The following FGFR1 variants were observed in gnomAD, a reference collection of about 807,000 sequenced individuals.
The protein encoded by FGFR1 is FGFR1/PLAG1 fusion.
Under a neutral mutation model 93.7 loss-of-function variants are expected in FGFR1, and 18 were observed. The ratio of observed to expected loss-of-function variants is 0.19; its 90% CI spans 0.13 to 0.28. FGFR1 has a LOEUF of 0.28. Ranked by LOEUF, FGFR1 falls within the 10% of genes least tolerant of loss-of-function variation. The pLI is 1.00. For missense variants in FGFR1, 731 were observed against 1,080.4 expected (o/e 0.68, Z 4.53); for synonymous variants, 448 against 429.3 (o/e 1.04, Z -0.54).
Position 38,434,381 on chromosome 8 carries a change from A to C in FGFR1, c.92-4433T>G, listed in dbSNP as rs566585757. On this transcript the variant is annotated intron_variant, in intron 2 of 17. Transcript: ENST00000447712. ...GCTAATCAGTTTATTAAAATAGTTG[A>C]CTTTGAGCATCTGCAATGGTGACTT... 1.5e-5 allele frequency: 4 copies of C among 275,550 alleles called. No homozygotes were observed. In the South Asian group the frequency reaches 2.3e-4, roughly 16 times the overall value. 17.1% of individuals were successfully genotyped at this position (275,550 alleles called of 1,614,324 possible). A position where few individuals can be genotyped will look rare whatever the true frequency, so the allele number is the denominator to read the frequency against.
chr8:38,421,792 T>C lies in FGFR1; in HGVS notation c.1081+5A>G. The stretch of plus-strand genomic sequence containing the variant: ...GACATCGAGAGGAGAAGTTACAGTG[T>C]GTACCTTCCAGAACGGTCAACCATG... On this transcript the variant is annotated splice_donor_5th_base_variant and intron_variant, in intron 8 of 17. Coordinates refer to ENST00000447712, the MANE Select transcript of FGFR1 (RefSeq NM_023110.3). 1 of 1,614,056 alleles carries C rather than the reference T, an allele frequency of 6.2e-7. No individual in the cohort carries two copies. The highest frequency in any genetic ancestry group is 8.5e-7 in the Non-Finnish European group (1 of 1,179,972).
In FGFR1 at chr8:38,413,713, ACG is replaced by A; in HGVS notation, c.2382_2383del (p.Val795LeufsTer4). ...CTCGGGCAGCGGCTCATGAGAGAAG[ACG>A]GAATCCTCCCCTGAGGAGCACGTAG... On this transcript the variant is annotated frameshift_variant, in exon 18 of 18. Transcript: ENST00000447712. LOFTEE classifies it high-confidence loss of function. This position sits in a 1 kb window ranked among gnomAD's most constrained non-coding sequence, Gnocchi z 4.2. The A allele has an allele frequency of 6.2e-7, 1 of 1,613,842 alleles. No individual in the cohort carries two copies. The highest frequency in any genetic ancestry group is 1.1e-5 in the South Asian group (1 of 91,070).
intron 1 of FGFR1, among the ~76,000 whole-genome samples, chr8:38,459,598 T>A (rs913044716): frequency 1.3e-5 from 2 of 152,164 alleles, no homozygotes; most frequent in African/African-American, 4.8e-5. Context: ...AGGAATTAAT[T>A]CATTCCTCAC....
rs369756658 is a variant in FGFR1 at position 38,424,251 on chromosome 8, C to T, written c.936+258G>A. 6 of 639,118 alleles carry T rather than the reference C, an allele frequency of 9.4e-6. No homozygotes were observed. The highest frequency in any genetic ancestry group is 1.5e-5 in the Non-Finnish European group (5 of 338,064). The allele number at this position is 639,118 out of a possible 1,614,324, so 39.6% of individuals were successfully genotyped here. A position where few individuals can be genotyped will look rare whatever the true frequency, so the allele number is the denominator to read the frequency against. On this transcript the variant is annotated intron_variant, in intron 7 of 17. Coordinates refer to ENST00000447712, the MANE Select transcript of FGFR1 (RefSeq NM_023110.3). This position sits in a 1 kb window ranked among gnomAD's most constrained non-coding sequence, Gnocchi z 4.3. Reference sequence around the variant, plus strand: ...GTAGCTGACCCCAAAGCCCCAGTGACGTTGCTCTCAAAGCTTATTACAGAC... The same window carrying T: ...GTAGCTGACCCCAAAGCCCCAGTGATGTTGCTCTCAAAGCTTATTACAGAC...
rs113798412 is a variant in FGFR1, at chr8:38,425,136, C to T, written c.746-437G>A. On this transcript the variant is annotated intron_variant, in intron 6 of 17. Transcript: ENST00000447712. ...ACCCCAACCTCTTGGATCAGAATCT[C>T]CTTTTTACCTTTTTTTTTTTTAAAG... is the stretch of plus-strand genomic sequence containing the variant. Among the ~76,000 whole-genome samples, 841 of 146,928 alleles carry T rather than the reference C, an allele frequency of 5.7e-3. 8 individuals are homozygous for T. Among genetic ancestry groups the T allele is most frequent in the African/African-American group, 0.018 (754 of 40,976 alleles).
At chr8:38,450,339 C>T (rs1047173549) in intron 2 of FGFR1, among the ~76,000 whole-genome samples, 36 of 152,308 alleles carry the variant, frequency 2.4e-4, no homozygotes, top group African/African-American at 8.4e-4. Context: ...ATTTCCAAGC[C>T]TCAGGGAAGG....
chr8:38,455,570 C>T (rs924827249), intron 2 of FGFR1, among the ~76,000 whole-genome samples: 3 of 152,206 alleles, frequency 2.0e-5, no homozygotes, highest in African/African-American at 4.8e-5. Flanking sequence ...GGATTACAGG[C>T]GTGAGCCACC....
chr8:38,414,396 T>A, intron 15 of FGFR1, 107 bp from the exon 16 acceptor site: 1 of 1,577,930 alleles, frequency 6.3e-7, no homozygotes, highest in Non-Finnish European at 8.7e-7. Flanking sequence ...GGAGAACAGA[T>A]CAGCCTTTCA....
chr8:38,433,749 G>C (rs1442182650), intron 2 of FGFR1, among the ~76,000 whole-genome samples: 1 of 152,134 alleles, frequency 6.6e-6, no homozygotes, highest in Admixed American at 6.5e-5. Flanking sequence ...ATTCCATTTT[G>C]TATTGTTTCT....
Position 38,418,218 on chromosome 8 carries a change from G to A in FGFR1, c.1430+10C>T, listed in dbSNP as rs1563455588. The A allele has an allele frequency of 1.2e-6, 2 of 1,614,198 alleles. No homozygotes were observed. The highest frequency in any genetic ancestry group is 1.1e-5 in the South Asian group (1 of 91,090). ...TGCCTTCAAAAAGTTGGGAGTCAAAGTATTATTACCTGTCCCGAGGCAGCT... is the reference window on the plus strand; with the variant it reads ...TGCCTTCAAAAAGTTGGGAGTCAAAATATTATTACCTGTCCCGAGGCAGCT... On this transcript the variant is annotated intron_variant, in intron 10 of 17. Transcript: ENST00000447712.
At chr8:38,418,147 G>C in intron 10 of FGFR1, 81 bp downstream of exon 10, 1 of 1,609,170 alleles carries the variant, frequency 6.2e-7, no homozygotes, top group Admixed American at 1.7e-5. Context: ...CCGCCCAGAA[G>C]GTGTTAGTAT....
chr8:38,427,748 G>A (rs1821303393), intron 5 of FGFR1, among the ~76,000 whole-genome samples, 173 bp downstream of exon 5: 1 of 152,136 alleles, frequency 6.6e-6, no homozygotes, highest in South Asian at 2.1e-4. Context: ...ACAGAAAGAA[G>A]ACTGAAGAAA....
At chr8:38,457,098 C>G (rs1323105104) in intron 2 of FGFR1, among the ~76,000 whole-genome samples, 1 of 152,200 alleles carries the variant, frequency 6.6e-6, no homozygotes, top group African/African-American at 2.4e-5. Flanking sequence ...AATTACCCCC[C>G]ACAAACATGT....
rs764744450 is a variant in FGFR1 at position 38,429,126 on chromosome 8, T to A, written c.358+556A>T. ...GGTGCATAAATGGCATAAAGAAAATTTCAGCTCCACTTCCTCAACTCCTAG... is the reference window on the plus strand; with the variant it reads ...GGTGCATAAATGGCATAAAGAAAATATCAGCTCCACTTCCTCAACTCCTAG... On this transcript the variant is annotated intron_variant, in intron 3 of 17. Transcript: ENST00000447712. The surrounding 1 kb of genome is among the most constrained non-coding windows in gnomAD (Gnocchi z 4.4). 1.7e-5 allele frequency: 6 copies of A among 361,782 alleles called. No homozygotes were observed. Among genetic ancestry groups the A allele is most frequent in the Admixed American group, 1.5e-4 (4 of 27,488 alleles). The allele number at this position is 361,782 out of a possible 1,614,324, so 22.4% of individuals were successfully genotyped here.
chr8:38,448,642 AAAGT>A (rs1207336506), intron 2 of FGFR1, among the ~76,000 whole-genome samples: 3 of 152,232 alleles, frequency 2.0e-5, no homozygotes, highest in South Asian at 2.1e-4. Context: ...GAGGCAGAGT[AAAGT>A]AAGTGTTAGA....
In FGFR1 at chr8:38,468,500, A is replaced by G. The variant is rs994250673; in HGVS notation, c.-608T>C. The G allele has an allele frequency of 4.4e-6, 1 of 228,480 alleles. No individual in the cohort carries two copies. Among genetic ancestry groups the G allele is most frequent in the African/African-American group, 2.2e-5 (1 of 45,034 alleles). The allele number at this position is 228,480 out of a possible 1,614,324, so 14.2% of individuals were successfully genotyped here. A position where few individuals can be genotyped will look rare whatever the true frequency, so the allele number is the denominator to read the frequency against. On this transcript the variant is annotated 5_prime_UTR_variant, in exon 1 of 18. Transcript: ENST00000447712. ...TACGAGGGGTCTCGGTCCCGTCCGG[A>G]CGTGGCCGCCCAGCTCCCGGCACAC...
rs2150883446 is a variant in FGFR1 at position 38,426,765 on chromosome 8, T to C, written c.622-520A>G. Among the ~76,000 whole-genome samples, 1 of 152,314 alleles carries C rather than the reference T, an allele frequency of 6.6e-6. No homozygotes were observed. The highest frequency in any genetic ancestry group is 2.1e-4 in the South Asian group (1 of 4,832). Reference sequence around the variant, plus strand: ...ATTTTTATGGGCAGGAACGCTATCTTGCAGCATTTAAAGCATGGTGTCTTG... The same window carrying C: ...ATTTTTATGGGCAGGAACGCTATCTCGCAGCATTTAAAGCATGGTGTCTTG... On this transcript the variant is annotated intron_variant, in intron 5 of 17. Coordinates refer to ENST00000447712, the MANE Select transcript of FGFR1 (RefSeq NM_023110.3). The surrounding 1 kb of genome is among the most constrained non-coding windows in gnomAD (Gnocchi z 4.1).
chr8:38,444,316 C>G (rs1384608276), intron 2 of FGFR1, among the ~76,000 whole-genome samples: 1 of 151,906 alleles, frequency 6.6e-6, no homozygotes, highest in Non-Finnish European at 1.5e-5. Context: ...TTCAGTCTCA[C>G]TTTTATGCAC....
chr8:38,460,662 T>C (rs1834179236), intron 1 of FGFR1, among the ~76,000 whole-genome samples: 1 of 152,112 alleles, frequency 6.6e-6, no homozygotes, highest in Non-Finnish European at 1.5e-5. Context: ...GGCCCTCAAG[T>C]TTGACATCTG....
Sources: allele counts gnomAD v4.1 joint callset (sites outside exome capture counted in the v4.1 genomes callset), GRCh38; gene constraint gnomAD v4.1.1; non-coding constraint Gnocchi (gnomAD v3.1); transcripts MANE v1.5; gene names NCBI Gene and HGNC (gene_info 2026-07-23, HGNC 2026-07-21).